SCOC: variants seen among roughly 807,000 people sequenced by gnomAD.
The protein encoded by SCOC is short coiled coil protein.
Under a neutral mutation model 9.9 loss-of-function variants are expected in SCOC, and 7 were observed. The observed-to-expected ratio is 0.71, with a 90% CI of 0.40 to 1.33. The LOEUF (loss-of-function observed/expected upper bound fraction) is 1.33. Among genes scored for constraint, SCOC ranks in the 40% most tolerant of loss-of-function variants. The pLI is 0.01. For synonymous variants in SCOC, 19 were observed against 28.2 expected (o/e 0.67, Z 1.03); for missense variants, 66 against 89.7 (o/e 0.74, Z 1.07).
chr4:140,353,482 C>G (rs1727070170), intron 2 of SCOC, among the ~76,000 whole-genome samples: 1 of 151,004 alleles, frequency 6.6e-6, no homozygotes, highest in Admixed American at 6.6e-5. Flanking sequence ...ATGATCTTGA[C>G]TCACTGCAAC....
chr4:140,297,126 A>G (rs545686928), intron 1 of SCOC, among the ~76,000 whole-genome samples: 6 of 152,196 alleles, frequency 3.9e-5, no homozygotes, highest in Non-Finnish European at 7.3e-5. Flanking sequence ...CTCCCATGAA[A>G]TAATGTTTAC....
chr4:140,277,189 A>C (rs1017471527), intron 1 of SCOC, among the ~76,000 whole-genome samples: 4 of 152,158 alleles, frequency 2.6e-5, no homozygotes, highest in African/African-American at 9.7e-5. Flanking sequence ...TTAAAGAGAC[A>C]GAGCTTAACA....
At chr4:140,353,981 G>C (rs1727096459) in intron 2 of SCOC, among the ~76,000 whole-genome samples, 2 of 152,186 alleles carry the variant, frequency 1.3e-5, no homozygotes, top group Admixed American at 1.3e-4. Flanking sequence ...GCACATGCGT[G>C]GTTTTCATTG....
intron 2 of SCOC, chr4:140,366,491 C>T: frequency 1.3e-6 from 2 of 1,569,542 alleles, no homozygotes; most frequent in Non-Finnish European, 1.8e-6. Flanking sequence ...TTCTTAACTT[C>T]ATTCTTGATT....
intron 3 of SCOC, among the ~76,000 whole-genome samples, chr4:140,380,049 CT>C (rs1445034977): frequency 2.6e-5 from 4 of 152,068 alleles, no homozygotes; most frequent in Admixed American, 2.6e-4. Context: ...ACTGAAACAT[CT>C]TTTGAGTTTT....
intron 1 of SCOC, among the ~76,000 whole-genome samples, chr4:140,274,242 T>C (rs1281859974): frequency 6.6e-6 from 1 of 152,232 alleles, no homozygotes; most frequent in Non-Finnish European, 1.5e-5. Context: ...GAATTAGAAA[T>C]AGACATAGAT....
At chr4:140,343,416 G>A (rs904387200), upstream of SCOC, 2 of 467,086 alleles carry the variant, frequency 4.3e-6, no homozygotes, top group Non-Finnish European at 7.8e-6. Flanking sequence ...GTCAAGGGTT[G>A]TAAGTCATTA....
intron 2 of SCOC, among the ~76,000 whole-genome samples, chr4:140,352,273 T>C (rs971786986): frequency 1.3e-5 from 2 of 152,192 alleles, no homozygotes; most frequent in Non-Finnish European, 2.9e-5. Flanking sequence ...ATCAAACAAG[T>C]ATGTTAATTG....
chr4:140,362,273 C>CTGTTGTTCTTCTTCTTCTTCTTTCTT, intron 2 of SCOC, among the ~76,000 whole-genome samples: 1 of 29,076 alleles, frequency 3.4e-5, no homozygotes, highest in Admixed American at 3.4e-4. Flanking sequence ...ACAGGTGTGT[C>CTGTTGTTCTTCTTCTTCTTCTTTCTT]CTTACTTCTT....
intron 1 of SCOC, among the ~76,000 whole-genome samples, chr4:140,258,723 G>A (rs1361597847): frequency 6.6e-6 from 1 of 152,230 alleles, no homozygotes; most frequent in Non-Finnish European, 1.5e-5. Flanking sequence ...GAGTTGTTGA[G>A]TAAGCCCCAA....
At chr4:140,279,685 T>C (rs572266035) in intron 1 of SCOC, among the ~76,000 whole-genome samples, 8 of 152,338 alleles carry the variant, frequency 5.3e-5, no homozygotes, top group Admixed American at 5.2e-4. Flanking sequence ...TGTGCTGTTC[T>C]CCCGTGATTC....
rs188922645 is a variant in SCOC at position 140,281,217 on chromosome 4, C to T, written c.-19+23807C>T. Among the ~76,000 whole-genome samples, 34 of 151,374 alleles carry T rather than the reference C, an allele frequency of 2.2e-4. No homozygotes were observed. In the East Asian group the frequency reaches 5.5e-3, roughly 24 times the overall value. On this transcript the variant is annotated intron_variant, in intron 1 of 4. Transcript: ENST00000394205. Reference sequence around the variant, plus strand: ...GAGGTGGCACTCACCTAGGTTTTTTCCCCCAAGTCCCCATCATATTAGGTC... The same window carrying T: ...GAGGTGGCACTCACCTAGGTTTTTTTCCCCAAGTCCCCATCATATTAGGTC...
chr4:140,329,350 G>C (rs1288531735), intron 1 of SCOC, among the ~76,000 whole-genome samples: 2 of 152,164 alleles, frequency 1.3e-5, no homozygotes, highest in East Asian at 3.8e-4. Flanking sequence ...AAAGATTCTA[G>C]ATGATAACAT....
intron 1 of SCOC, among the ~76,000 whole-genome samples, chr4:140,292,399 G>A (rs779536522): frequency 1.5e-4 from 23 of 152,030 alleles, no homozygotes; most frequent in Non-Finnish European, 2.4e-4. Flanking sequence ...ATGTTAGCTA[G>A]GCTGGTCTTG....
At chr4:140,271,358 A>G (rs1330215760) in intron 1 of SCOC, among the ~76,000 whole-genome samples, 3 of 152,200 alleles carry the variant, frequency 2.0e-5, no homozygotes, top group African/African-American at 7.2e-5. Flanking sequence ...GAAAACACCA[A>G]GTGTTAATAG....
intron 2 of SCOC, chr4:140,366,220 C>G: frequency 1.4e-6 from 1 of 695,682 alleles, no homozygotes; most frequent in Non-Finnish European, 1.9e-6. Context: ...ACTTTTATTA[C>G]TTTTCTAATC....
intron 1 of SCOC, among the ~76,000 whole-genome samples, chr4:140,316,237 G>A (rs1732314137): frequency 6.6e-6 from 1 of 152,156 alleles, no homozygotes; most frequent in Admixed American, 6.5e-5. Flanking sequence ...ATGCTTATGT[G>A]TGTTTCACTT....
At chr4:140,281,427 G>A (rs1335329042) in intron 1 of SCOC, among the ~76,000 whole-genome samples, 1 of 152,188 alleles carries the variant, frequency 6.6e-6, no homozygotes, top group Non-Finnish European at 1.5e-5. Flanking sequence ...AAAATGAATA[G>A]GTTAGATGAA....
intron 2 of SCOC, among the ~76,000 whole-genome samples, chr4:140,355,657 T>C (rs1437382836): frequency 2.6e-5 from 4 of 152,218 alleles, no homozygotes; most frequent in African/African-American, 4.8e-5. Flanking sequence ...TATGAGGTCA[T>C]TGTTTCAAAA....
Sources: allele counts gnomAD v4.1 joint callset (sites outside exome capture counted in the v4.1 genomes callset), GRCh38; gene constraint gnomAD v4.1.1; transcripts MANE v1.5; gene names NCBI Gene and HGNC (gene_info 2026-07-23, HGNC 2026-07-21).